The following SLC66A2 variants were observed in gnomAD, a reference collection of about 807,000 sequenced individuals.
SLC66A2 encodes the protein solute carrier family 66 member 2.
A neutral mutation model predicts 25.5 loss-of-function variants in SLC66A2; 23 were observed. The ratio of observed to expected loss-of-function variants is 0.90; its 90% CI spans 0.65 to 1.28. SLC66A2 has a LOEUF of 1.28. SLC66A2 is among the 50% of genes most tolerant of loss of function. The pLI is 0.00. For missense variants in SLC66A2, 396 were observed against 373.1 expected (o/e 1.06, Z -0.51); for synonymous variants, 193 against 166.5 (o/e 1.16, Z -1.23).
intron 4 of SLC66A2, among the ~76,000 whole-genome samples, chr18:79,930,808 A>G (rs1986492814): frequency 6.6e-6 from 1 of 152,210 alleles, no homozygotes; most frequent in Non-Finnish European, 1.5e-5. Context: ...TCCATAATAT[A>G]TGTTTGTTCT....
intron 4 of SLC66A2, among the ~76,000 whole-genome samples, chr18:79,923,512 A>G (rs1037949750): frequency 2.0e-5 from 3 of 152,162 alleles, no homozygotes; most frequent in African/African-American, 7.2e-5. Context: ...GCAAATGACT[A>G]ACAGAAAATC....
At chr18:79,942,020 G>A (rs1987715115) in intron 3 of SLC66A2, among the ~76,000 whole-genome samples, 1 of 152,220 alleles carries the variant, frequency 6.6e-6, no homozygotes, top group African/African-American at 2.4e-5. Context: ...AAGGGGCAGG[G>A]AACATGCCAT....
chr18:79,924,285 C>A (rs1985655602), intron 4 of SLC66A2, among the ~76,000 whole-genome samples: 1 of 152,166 alleles, frequency 6.6e-6, no homozygotes, highest in Non-Finnish European at 1.5e-5. Flanking sequence ...CATGCAACAA[C>A]ACGGATGGAC....
intron 5 of SLC66A2, among the ~76,000 whole-genome samples, chr18:79,909,988 T>G (rs1273742766): frequency 9.6e-6 from 1 of 104,090 alleles, no homozygotes; most frequent in African/African-American, 3.9e-5. Context: ...CCCTACAACC[T>G]CACCAGAGTC....
chr18:79,915,390 A>T (rs540173540), intron 5 of SLC66A2: 1 of 152,350 alleles, frequency 6.6e-6, no homozygotes, highest in Non-Finnish European at 1.5e-5. Context: ...TCATTACCGT[A>T]ACTACAACCA....
intron 2 of SLC66A2, among the ~76,000 whole-genome samples, chr18:79,949,151 A>T (rs890576828): frequency 9.2e-5 from 14 of 152,156 alleles, no homozygotes; most frequent in African/African-American, 3.4e-4. Flanking sequence ...AGAGGCAGCC[A>T]ACCCACTCGC....
intron 2 of SLC66A2, chr18:79,945,053 G>A (rs1198838583): frequency 6.6e-6 from 1 of 152,318 alleles, no homozygotes. Context: ...TATCAACTCA[G>A]AGCAGGAACA....
At chr18:79,925,742 C>T (rs569322561) in intron 4 of SLC66A2, among the ~76,000 whole-genome samples, 1 of 152,368 alleles carries the variant, frequency 6.6e-6, no homozygotes, top group Admixed American at 6.5e-5. Context: ...GATTTCTCAT[C>T]AGGTCGTGTT....
chr18:79,938,826 G>A (rs1334406665), intron 3 of SLC66A2, among the ~76,000 whole-genome samples: 4 of 152,082 alleles, frequency 2.6e-5, no homozygotes, highest in Admixed American at 2.0e-4. Flanking sequence ...ACAGGCATGC[G>A]CCACCACGCC....
In SLC66A2 at chr18:79,939,685, G is replaced by A. The variant is rs533779089; in HGVS notation, c.337+3644C>T. On this transcript the variant is annotated intron_variant, in intron 3 of 5. Transcript: ENST00000397778. The stretch of plus-strand genomic sequence containing the variant: ...CAAATCAAAACCACAATGAGATGCC[G>A]TCTCATACCAGTCGGAATGGCTATT... Among the ~76,000 whole-genome samples the A allele has an allele frequency of 9.9e-5, 15 of 152,238 alleles. No homozygotes were observed. In the East Asian group the frequency reaches 1.4e-3, roughly 14 times the overall value.
intron 2 of SLC66A2, among the ~76,000 whole-genome samples, chr18:79,948,007 G>A (rs2050992020): frequency 6.6e-6 from 1 of 151,624 alleles, no homozygotes; most frequent in South Asian, 2.1e-4. Context: ...GCAGGAACGA[G>A]CGCCCTCTGC....
chr18:79,936,258 C>A (rs772023988), intron 3 of SLC66A2, among the ~76,000 whole-genome samples: 1 of 152,176 alleles, frequency 6.6e-6, no homozygotes, highest in Non-Finnish European at 1.5e-5. Flanking sequence ...GTGGCCCAGG[C>A]GAGCCCCCAA....
intron 2 of SLC66A2, chr18:79,947,413 C>A (rs1266088266): frequency 6.6e-6 from 1 of 152,370 alleles, no homozygotes; most frequent in Non-Finnish European, 1.5e-5. Flanking sequence ...GCAGCCCCTG[C>A]AGGACTGCAG....
rs1391906418 is a variant in SLC66A2 at position 79,917,801 on chromosome 18, C to T, written c.608+1383G>A. On this transcript the variant is annotated intron_variant, in intron 5 of 5. Coordinates refer to ENST00000397778, the MANE Select transcript of SLC66A2 (RefSeq NM_025078.5). This position sits in a 1 kb window ranked among gnomAD's most constrained non-coding sequence, Gnocchi z 6.0. ...CTGGTCTTGATTCACTGTAATCACA[C>T]CAACCAGGGCAGCCCAATCCCCACC... 1.3e-5 allele frequency among the ~76,000 whole-genome samples: 2 copies of T among 151,876 alleles called. No individual in the cohort carries two copies. The highest frequency in any genetic ancestry group is 2.4e-5 in the African/African-American group (1 of 41,314).
At chr18:79,910,481 C>T (rs968772471) in intron 5 of SLC66A2, among the ~76,000 whole-genome samples, 10 of 150,592 alleles carry the variant, frequency 6.6e-5, no homozygotes, top group African/African-American at 2.2e-4. Context: ...CACCATCTCA[C>T]AACAGAGTCC....
intron 4 of SLC66A2, among the ~76,000 whole-genome samples, chr18:79,926,606 C>T (rs146806477): frequency 2.0e-5 from 3 of 152,052 alleles, no homozygotes; most frequent in East Asian, 1.9e-4. Flanking sequence ...CACCAGGCTA[C>T]GGAGCCTCCT....
chr18:79,950,811 T>A lies in SLC66A2; in HGVS notation c.116A>T (p.Asp39Val). Reference sequence around the variant, plus strand: ...GTCGGCGTTCTGCGTCCTGCGAATGTCCCGATACTGCGGGACGTAGGGCAC... The same window carrying A: ...GTCGGCGTTCTGCGTCCTGCGAATGACCCGATACTGCGGGACGTAGGGCAC... ...GVVPYVPQYR[D>V]IRRTQNADGF... The change falls in exon 2 of 6, where the codon GAC (aspartate) becomes GTC (valine). Residue 39 changes from aspartate to valine, a missense_variant. Transcript: ENST00000397778. 1 of 1,612,894 alleles carries A rather than the reference T, an allele frequency of 6.2e-7. No homozygotes were observed. The highest frequency in any genetic ancestry group is 2.2e-5 in the East Asian group (1 of 44,890).
Position 79,918,689 on chromosome 18 carries a change from C to T in SLC66A2, c.608+495G>A, listed in dbSNP as rs940371634. Among the ~76,000 whole-genome samples the T allele has an allele frequency of 2.0e-5, 3 of 152,252 alleles. No individual in the cohort carries two copies. The highest frequency in any genetic ancestry group is 4.4e-5 in the Non-Finnish European group (3 of 68,042). On this transcript the variant is annotated intron_variant, in intron 5 of 5. Transcript: ENST00000397778. The surrounding 1 kb of genome is among the most constrained non-coding windows in gnomAD (Gnocchi z 4.0). ...CAGGCACGCACTGGTGCAGGGCGCC[C>T]AGGCATGGTCTGTGGTTCCGAACGT...
chr18:79,925,431 C>T (rs1323310134), intron 4 of SLC66A2, among the ~76,000 whole-genome samples: 2 of 152,200 alleles, frequency 1.3e-5, no homozygotes, highest in Non-Finnish European at 2.9e-5. Flanking sequence ...TTCTAGAGAG[C>T]GGCACCAAAG....
Sources: gnomAD v4.1 joint callset for allele counts (sites outside exome capture counted in the v4.1 genomes callset) on GRCh38, gnomAD v4.1.1 for gene constraint, Gnocchi (gnomAD v3.1) non-coding constraint, MANE v1.5 for transcripts, NCBI Gene and HGNC (gene_info 2026-07-23, HGNC 2026-07-21) for gene names.